Variants in LRMDA observed in about 807,000 individuals in gnomAD.
The protein encoded by LRMDA is leucine rich melanocyte differentiation associated.
A neutral mutation model predicts 29.8 loss-of-function variants in LRMDA; 18 were observed. The observed-to-expected ratio is 0.60, with a 90% confidence interval of 0.42 to 0.90. The LOEUF (loss-of-function observed/expected upper bound fraction) is 0.90, where lower values mean the gene tolerates loss of function less well. Ranked by LOEUF, LRMDA falls within the 40% of genes least tolerant of loss-of-function variation. The pLI, the probability that LRMDA is intolerant of heterozygous loss-of-function variation, is 0.00. For missense variants in LRMDA, 273 were observed against 273.9 expected (o/e 1.00, Z 0.02); for synonymous variants, 125 against 109.4 (o/e 1.14, Z -0.89).
rs543705910 is a variant in LRMDA, at chr10:76,063,378, T to C, written c.516+4595T>C. 2.0e-5 allele frequency among the ~76,000 whole-genome samples: 3 copies of C among 152,334 alleles called. No individual in the cohort carries two copies. In the South Asian group the frequency reaches 6.2e-4, roughly 32 times the overall value. ...ATACCAGCTTCAATCTCTCTGTGTGTATACATATGCATGTTCTGGGAGGTA... is the reference window on the plus strand; with the variant it reads ...ATACCAGCTTCAATCTCTCTGTGTGCATACATATGCATGTTCTGGGAGGTA... On this transcript the variant is annotated intron_variant, in intron 5 of 6. Transcript: ENST00000611255.
At chr10:75,556,124 C>G (rs770419447) in intron 2 of LRMDA, among the ~76,000 whole-genome samples, 1 of 151,534 alleles carries the variant, frequency 6.6e-6, no homozygotes. Flanking sequence ...TGAAAATATC[C>G]CAAATTTGAT....
chr10:76,170,520 GT>G (rs764742699), intron 5 of LRMDA, among the ~76,000 whole-genome samples: 2 of 152,172 alleles, frequency 1.3e-5, no homozygotes, highest in Non-Finnish European at 2.9e-5. Flanking sequence ...AAGCAAGTCC[GT>G]TTGCTTCTCT....
At chr10:75,558,637 C>G (rs1405517598) in intron 2 of LRMDA, among the ~76,000 whole-genome samples, 1 of 149,364 alleles carries the variant, frequency 6.7e-6, no homozygotes, top group Non-Finnish European at 1.5e-5. Flanking sequence ...CCCATTAACT[C>G]GTCATTTAGC....
At chr10:76,176,621 C>T (rs1051314427) in intron 5 of LRMDA, among the ~76,000 whole-genome samples, 2 of 152,154 alleles carry the variant, frequency 1.3e-5, no homozygotes, top group Admixed American at 6.5e-5. Flanking sequence ...TGGTGAAACC[C>T]CGTCTCTACT....
At chr10:75,887,654 T>A (rs1197515733) in intron 2 of LRMDA, among the ~76,000 whole-genome samples, 1 of 152,230 alleles carries the variant, frequency 6.6e-6, no homozygotes, top group Admixed American at 6.5e-5. Context: ...TTGTGACATA[T>A]GCTTTATGGC....
intron 6 of LRMDA, among the ~76,000 whole-genome samples, chr10:76,509,040 G>A (rs1427130353): frequency 1.3e-5 from 2 of 152,114 alleles, no homozygotes; most frequent in Non-Finnish European, 1.5e-5. Flanking sequence ...ATGGCTAAAT[G>A]AAAGGACACA....
intron 2 of LRMDA, among the ~76,000 whole-genome samples, chr10:75,649,175 G>A (rs1408498545): frequency 6.6e-6 from 1 of 152,160 alleles, no homozygotes. Flanking sequence ...ATTCGACTGA[G>A]CACCACTGAG....
At chr10:75,903,794 T>A (rs1005041485) in intron 2 of LRMDA, among the ~76,000 whole-genome samples, 2 of 152,206 alleles carry the variant, frequency 1.3e-5, no homozygotes, top group Non-Finnish European at 2.9e-5. Flanking sequence ...GGTGCCTGGT[T>A]TGAGATAGTG....
chr10:75,939,006 GA>G (rs1452378887), intron 2 of LRMDA, among the ~76,000 whole-genome samples: 1 of 152,194 alleles, frequency 6.6e-6, no homozygotes, highest in Non-Finnish European at 1.5e-5. Flanking sequence ...TTACCTTAGT[GA>G]AACCAGCGCT....
At chr10:75,972,883 G>T (rs944947242) in intron 2 of LRMDA, among the ~76,000 whole-genome samples, 18 of 152,190 alleles carry the variant, frequency 1.2e-4, no homozygotes, top group African/African-American at 4.3e-4. Flanking sequence ...GCTGGGGCTG[G>T]GGCTGGGGCT....
At chr10:75,888,348 G>A (rs913428795) in intron 2 of LRMDA, among the ~76,000 whole-genome samples, 6 of 152,162 alleles carry the variant, frequency 3.9e-5, no homozygotes, top group South Asian at 4.1e-4. Context: ...GCATTTACAC[G>A]TTCAGGTACA....
rs191942994 is a variant in LRMDA, at chr10:76,225,242, C to G, written c.517-99159C>G. The stretch of plus-strand genomic sequence containing the variant: ...CCTGGCCAACATGGTGAAACCCCAA[C>G]TCAACTAAAAATATAAAAACTAGCT... On this transcript the variant is annotated intron_variant, in intron 5 of 6. Transcript: ENST00000611255. Among the ~76,000 whole-genome samples the G allele has an allele frequency of 3.3e-3, 499 of 152,070 alleles. 7 individuals are homozygous for G. Among genetic ancestry groups the G allele is most frequent in the African/African-American group, 0.012 (490 of 41,488 alleles).
intron 5 of LRMDA, among the ~76,000 whole-genome samples, chr10:76,112,321 T>TG (rs907036914): frequency 6.6e-6 from 1 of 152,146 alleles, no homozygotes; most frequent in African/African-American, 2.4e-5. Flanking sequence ...GAGCAGGGTA[T>TG]GGGGCGTCTG....
At chr10:76,190,839 G>A (rs1851231418) in intron 5 of LRMDA, among the ~76,000 whole-genome samples, 1 of 152,202 alleles carries the variant, frequency 6.6e-6, no homozygotes, top group African/African-American at 2.4e-5. Flanking sequence ...TTGGTTGCCT[G>A]AAGGGAGGGC....
At chr10:75,487,330 C>T (rs1844927417) in intron 2 of LRMDA, among the ~76,000 whole-genome samples, 1 of 152,150 alleles carries the variant, frequency 6.6e-6, no homozygotes, top group African/African-American at 2.4e-5. Context: ...ATGATGGGCT[C>T]ATGTCAGAAA....
chr10:75,597,700 TG>T (rs1162983315), intron 2 of LRMDA, among the ~76,000 whole-genome samples: 1 of 152,094 alleles, frequency 6.6e-6, no homozygotes, highest in African/African-American at 2.4e-5. Context: ...GGCAAGAAAA[TG>T]GGCCCTGAAT....
chr10:76,021,654 G>A (rs1847975998), intron 2 of LRMDA, among the ~76,000 whole-genome samples: 1 of 152,192 alleles, frequency 6.6e-6, no homozygotes, highest in African/African-American at 2.4e-5. Context: ...CTACCATGAA[G>A]AGCTGTGAAT....
chr10:75,478,940 G>A (rs961534125), intron 2 of LRMDA, among the ~76,000 whole-genome samples: 6 of 152,104 alleles, frequency 3.9e-5, no homozygotes, highest in Admixed American at 6.6e-5. Flanking sequence ...TGTACCCTGG[G>A]AACTTGTATG....
intron 2 of LRMDA, among the ~76,000 whole-genome samples, chr10:75,562,955 C>T (rs1177117008): frequency 6.6e-6 from 1 of 152,070 alleles, no homozygotes; most frequent in Non-Finnish European, 1.5e-5. Flanking sequence ...CTCTGGCTGC[C>T]CTTAACATTT....
Sources: gnomAD v4.1 joint callset for allele counts (sites outside exome capture counted in the v4.1 genomes callset) on GRCh38, gnomAD v4.1.1 for gene constraint, MANE v1.5 for transcripts, NCBI Gene and HGNC (gene_info 2026-07-23, HGNC 2026-07-21) for gene names.